Variants in CHRNE observed in about 807,000 individuals in gnomAD.
CHRNE encodes the protein cholinergic receptor nicotinic epsilon subunit, also known as acetylcholine receptor subunit epsilon.
A neutral mutation model predicts 56.5 loss-of-function variants in CHRNE; 58 were observed. That is an observed-to-expected ratio of 1.03 (90% CI 0.83 to 1.28). The LOEUF (loss-of-function observed/expected upper bound fraction) is 1.28. Ranked by LOEUF, CHRNE falls within the 50% of genes most tolerant of loss-of-function variation. The pLI, the probability that CHRNE is intolerant of heterozygous loss-of-function variation, is 0.00. For missense variants in CHRNE, 793 were observed against 688.9 expected, an observed-to-expected ratio of 1.15 and a Z score of -1.69; for synonymous variants, 385 against 297.9, an observed-to-expected ratio of 1.29 and a Z score of -3.01.
At chr17:4,907,695 A>G (rs925929783), upstream of CHRNE, among the ~76,000 whole-genome samples, 1 of 152,024 alleles carries the variant, frequency 6.6e-6, no homozygotes, top group African/African-American at 2.4e-5. Context: ...CTTAAGCACC[A>G]CAACTACATC....
chr17:4,903,985 G>C (rs1970055472), upstream of CHRNE, among the ~76,000 whole-genome samples: 1 of 151,936 alleles, frequency 6.6e-6, no homozygotes, highest in Admixed American at 6.6e-5. Context: ...AACCTCTGGA[G>C]TAGCTGGGAC....
At chr17:4,899,907 G>T in intron 8 of CHRNE, 1 of 1,549,572 alleles carries the variant, frequency 6.5e-7, no homozygotes, top group Non-Finnish European at 8.7e-7. Flanking sequence ...CCCCTGCCCT[G>T]CTACTCTACT....
At chr17:4,905,466 G>C (rs75602583), upstream of CHRNE, among the ~76,000 whole-genome samples, 13,223 of 152,242 alleles carry the variant, frequency 0.087, 580 homozygotes, top group Non-Finnish European at 0.094. Context: ...TTAGGAGGCT[G>C]AGGCGGGAGG....
At chr17:4,900,664 G>A in intron 8 of CHRNE, 129 bp downstream of exon 8, 1 of 1,436,286 alleles carries the variant, frequency 7.0e-7, no homozygotes, top group Non-Finnish European at 9.5e-7. Context: ...CCCCGTACCA[G>A]CCCCACCCAG....
At position 4,899,314 on chromosome 17, in the gene CHRNE, G is replaced by C. The variant is rs371919434; in HGVS notation, c.1103C>G (p.Pro368Arg). The change falls in exon 10 of 12, where the codon CCC (proline) becomes CGC (arginine). Residue 368 changes from proline to arginine, a missense_variant. By Grantham distance (103) the Pro-to-Arg change is moderately radical. Coordinates refer to ENST00000649488, the MANE Select transcript of CHRNE (RefSeq NM_000080.4). ...PPPEAPRAASPPRRASSVGLL... is the reference protein window; with the variant it reads ...PPPEAPRAASRPRRASSVGLL... Reference sequence around the variant, plus strand: ...GCCCACCGACGACGCCCGCCTTGGGGGCGAGGCGGCCCGGGGGGCCTCGGG... The same window carrying C: ...GCCCACCGACGACGCCCGCCTTGGGCGCGAGGCGGCCCGGGGGGCCTCGGG... The C allele has an allele frequency of 6.3e-7, 1 of 1,576,660 alleles. No homozygotes were observed. Among genetic ancestry groups the C allele is most frequent in the Non-Finnish European group, 8.6e-7 (1 of 1,167,944 alleles).
At position 4,898,653 on chromosome 17, in the gene CHRNE, T is replaced by G; in HGVS notation, c.*83A>C. Reference sequence around the variant, plus strand: ...CAGATTGATCAGCAGGGGGAAGGGATCATAATGCCGTGGTGGCGGCAGCCT... The same window carrying G: ...CAGATTGATCAGCAGGGGGAAGGGAGCATAATGCCGTGGTGGCGGCAGCCT... On this transcript the variant is annotated 3_prime_UTR_variant, in exon 12 of 12. Transcript: ENST00000649488. The G allele has an allele frequency of 6.6e-7, 1 of 1,510,630 alleles. No homozygotes were observed. The highest frequency in any genetic ancestry group is 1.2e-5 in the South Asian group (1 of 83,392). The allele number at this position is 1,510,630 out of a possible 1,614,324, so 93.6% of individuals were successfully genotyped here. A position where few individuals can be genotyped will look rare whatever the true frequency, so the allele number is the denominator to read the frequency against.
intron 6 of CHRNE, 166 bp from the exon 7 acceptor site, chr17:4,901,356 G>C: frequency 2.1e-6 from 2 of 953,786 alleles, no homozygotes; most frequent in South Asian, 1.4e-5. Context: ...TGGAAAGCCA[G>C]AAGGCAGGAC....
chr17:4,899,419 G>C (rs916370170), intron 9 of CHRNE, 35 bp from the exon 10 acceptor site: 1 of 1,545,394 alleles, frequency 6.5e-7, no homozygotes, highest in Admixed American at 2.0e-5. Context: ...GACGAGGTTA[G>C]TACGAAGCCC....
upstream of CHRNE, among the ~76,000 whole-genome samples, chr17:4,905,630 G>T (rs1970083477): frequency 6.6e-6 from 1 of 152,030 alleles, no homozygotes; most frequent in African/African-American, 2.4e-5. Context: ...GGAGGCCAAG[G>T]CAGGTGGACC....
At chr17:4,901,231 G>T in intron 6 of CHRNE, 41 bp from the exon 7 acceptor site, 1 of 1,586,988 alleles carries the variant, frequency 6.3e-7, no homozygotes, top group Non-Finnish European at 8.5e-7. Flanking sequence ...TCAGAGCGGG[G>T]CGCCCGCCGA....
At chr17:4,900,211 C>A (rs920762170) in intron 8 of CHRNE, 1 of 1,544,436 alleles carries the variant, frequency 6.5e-7, no homozygotes, top group Non-Finnish European at 8.7e-7. Context: ...TCTGCCTCCC[C>A]GCTAACCCCT....
At chr17:4,904,182 TTTTTTTG>T (rs1048923454), upstream of CHRNE, among the ~76,000 whole-genome samples, 39 of 151,908 alleles carry the variant, frequency 2.6e-4, no homozygotes, top group East Asian at 3.1e-3. Flanking sequence ...TTTCTGTTTC[TTTTTTTG>T]TTTTTTGTTT....
chr17:4,908,606 C>T (rs1970118650), intron 1 of CHRNE, among the ~76,000 whole-genome samples: 1 of 152,176 alleles, frequency 6.6e-6, no homozygotes, highest in African/African-American at 2.4e-5. Flanking sequence ...GGCCTGCTAG[C>T]CAGGGCTGAT....
upstream of CHRNE, among the ~76,000 whole-genome samples, chr17:4,905,082 T>A (rs368024436): frequency 6.6e-6 from 1 of 152,218 alleles, no homozygotes; most frequent in African/African-American, 2.4e-5. Context: ...ACCTACAAAG[T>A]TCCCCCTTAC....
At chr17:4,900,323 G>A (rs1240531731) in intron 8 of CHRNE, 10 of 1,545,418 alleles carry the variant, frequency 6.5e-6, no homozygotes, top group East Asian at 4.9e-5. Flanking sequence ...CGGGTGCAGC[G>A]CTGAGCCGGG....
chr17:4,901,887 C>T (rs1970000465), intron 5 of CHRNE, 45 bp downstream of exon 5: 1 of 1,593,438 alleles, frequency 6.3e-7, no homozygotes, highest in Admixed American at 1.7e-5. Context: ...CCATAAGGCC[C>T]CCCCCCAACA....
rs779257808 is a variant in CHRNE at position 4,902,704 on chromosome 17, C to T, written c.106G>A (p.Asp36Asn). 1.2e-6 allele frequency: 2 copies of T among 1,613,918 alleles called. No individual in the cohort carries two copies. Among genetic ancestry groups the T allele is most frequent in the African/African-American group, 1.3e-5 (1 of 74,852 alleles). ...TCCCGCACTGGCCGGCTTCCTGGGT[C>T]ATAGTTGTTGAAGAGATGGTGATAA... ...RLYHHLFNNY[D>N]PGSRPVREPE... Residue 36 changes from aspartate to asparagine, a missense_variant, in exon 2 of 12, where the codon GAC becomes AAC. By Grantham distance (23) the Asp-to-Asn change is conservative (BLOSUM62 1). Coordinates refer to ENST00000649488, the MANE Select transcript of CHRNE (RefSeq NM_000080.4). The surrounding 1 kb of genome is among the most constrained non-coding windows in gnomAD (Gnocchi z 4.0).
At position 4,902,776 on chromosome 17, in the gene CHRNE, CAAG is replaced by C; in HGVS notation, c.47-16_47-14del. On this transcript the variant is annotated splice_polypyrimidine_tract_variant and intron_variant, in intron 1 of 11. Transcript: ENST00000649488. The surrounding 1 kb of genome is among the most constrained non-coding windows in gnomAD (Gnocchi z 4.0). ...CCCACACCCCTGCCTGCGATGGGGTCAAGAAGGAAGGGTCATTGGCAATGAAGA... is the reference window on the plus strand; with the variant it reads ...CCCACACCCCTGCCTGCGATGGGGTCAAGGAAGGGTCATTGGCAATGAAGA... 6.2e-7 allele frequency: 1 copy of C among 1,614,022 alleles called. No individual in the cohort carries two copies. The highest frequency in any genetic ancestry group is 1.1e-5 in the South Asian group (1 of 91,060).
intron 6 of CHRNE, 161 bp downstream of exon 6, chr17:4,901,364 G>T: frequency 2.1e-6 from 2 of 933,952 alleles, no homozygotes; most frequent in South Asian, 1.4e-5. Context: ...CAGAAGGCAG[G>T]ACTAGAGTAA....
Sources: gnomAD v4.1 joint callset for allele counts (sites outside exome capture counted in the v4.1 genomes callset) on GRCh38, gnomAD v4.1.1 for gene constraint, Gnocchi (gnomAD v3.1) non-coding constraint, MANE v1.5 for transcripts, NCBI Gene and HGNC (gene_info 2026-07-23, HGNC 2026-07-21) for gene names.